DDX19A: variants seen among roughly 807,000 people sequenced by gnomAD.
The protein encoded by DDX19A is ATP-dependent RNA helicase DDX19A.
Under a neutral mutation model 60.6 loss-of-function variants are expected in DDX19A, and 12 were observed. That is an observed-to-expected ratio of 0.20 (90% confidence interval 0.13 to 0.32). The LOEUF is 0.32. DDX19A is among the 10% of genes least tolerant of loss of function. The pLI is 1.00. For missense variants in DDX19A, 337 were observed against 600.6 expected (o/e 0.56, Z 4.59); for synonymous variants, 206 against 218.2 (o/e 0.94, Z 0.49).
intron 5 of DDX19A, chr16:70,364,196 C>T (rs1009742853): frequency 1.9e-4 from 35 of 187,690 alleles, no homozygotes; most frequent in African/African-American, 8.0e-4. Flanking sequence ...CATCATGGCT[C>T]AGCCAAAAAT....
At chr16:70,366,930 A>C in intron 9 of DDX19A, 69 bp downstream of exon 9, 1 of 1,578,360 alleles carries the variant, frequency 6.3e-7, no homozygotes, top group African/African-American at 1.3e-5. Flanking sequence ...GCTCAGGAGG[A>C]CTGGATGCCC....
At chr16:70,369,122 C>G (rs961739440) in intron 9 of DDX19A, among the ~76,000 whole-genome samples, 2 of 151,484 alleles carry the variant, frequency 1.3e-5, no homozygotes, top group Non-Finnish European at 2.9e-5. Context: ...CCGCCTCGGC[C>G]TCCCAAAGTG....
intron 4 of DDX19A, among the ~76,000 whole-genome samples, chr16:70,358,654 G>C (rs1341813902): frequency 6.6e-6 from 1 of 152,038 alleles, no homozygotes; most frequent in Admixed American, 6.6e-5. Flanking sequence ...GACCAGACTG[G>C]TCAAAATGAT....
chr16:70,362,171 CAAAA>C (rs1307887865), intron 5 of DDX19A, among the ~76,000 whole-genome samples: 1 of 107,324 alleles, frequency 9.3e-6, no homozygotes, highest in Non-Finnish European at 2.0e-5. Flanking sequence ...GACCCTGTCT[CAAAA>C]AAAAAAAAAA....
At chr16:70,369,226 C>A (rs1964611121) in intron 9 of DDX19A, among the ~76,000 whole-genome samples, 1 of 131,140 alleles carries the variant, frequency 7.6e-6, no homozygotes, top group Non-Finnish European at 1.5e-5. Flanking sequence ...CTTGCCCAGG[C>A]TGGAGTGCAA....
Position 70,355,759 on chromosome 16 carries a change from C to A in DDX19A, c.157+224C>A, listed in dbSNP as rs1032568703. 7 of 588,898 alleles carry A rather than the reference C, an allele frequency of 1.2e-5. No individual in the cohort carries two copies. The African/African-American group carries it at 1.3e-4, about 11-fold the overall frequency. 36.5% of individuals were successfully genotyped at this position (588,898 alleles called of 1,614,324 possible). ...GGAGGATTCCTTTGGGCCAGGAGTT[C>A]AAGACCAGCCTGGGCAACATACTGA... On this transcript the variant is annotated intron_variant, in intron 3 of 11. Transcript: ENST00000302243.
At chr16:70,351,373 T>C (rs184319894) in intron 2 of DDX19A, among the ~76,000 whole-genome samples, 1 of 151,514 alleles carries the variant, frequency 6.6e-6, no homozygotes, top group Non-Finnish European at 1.5e-5. Context: ...ACCTGGCTAA[T>C]TTTTTATATT....
intron 9 of DDX19A, among the ~76,000 whole-genome samples, chr16:70,369,724 C>G (rs2151646031): frequency 6.7e-6 from 1 of 148,926 alleles, no homozygotes; most frequent in African/African-American, 2.5e-5. Context: ...TTAAGCGATT[C>G]TCCTGCCTCA....
At position 70,361,518 on chromosome 16, in the gene DDX19A, T is replaced by G. The variant is rs368477931; in HGVS notation, c.386+8T>G. ...CATGATGCTTGCTGAACCGTGAGTA[T>G]GCAGATGAAGCGCATCTCACCCAGT... On this transcript the variant is annotated splice_region_variant and intron_variant, in intron 5 of 11. Transcript: ENST00000302243. The G allele has an allele frequency of 1.3e-6, 2 of 1,599,548 alleles. No homozygotes were observed. The highest frequency in any genetic ancestry group is 8.6e-7 in the Non-Finnish European group (1 of 1,168,372).
intron 2 of DDX19A, among the ~76,000 whole-genome samples, chr16:70,351,299 A>G (rs1351059031): frequency 6.6e-6 from 1 of 151,606 alleles, no homozygotes; most frequent in Non-Finnish European, 1.5e-5. Flanking sequence ...TCTGCCACCC[A>G]GGCTCAAGAG....
intron 6 of DDX19A, 122 bp from the exon 7 acceptor site, chr16:70,364,895 C>A: frequency 1.3e-6 from 1 of 787,628 alleles, no homozygotes. Flanking sequence ...GAAAGGTGGG[C>A]CTGGATGGGA....
At chr16:70,369,744 A>C (rs1333421097) in intron 9 of DDX19A, among the ~76,000 whole-genome samples, 1 of 151,080 alleles carries the variant, frequency 6.6e-6, no homozygotes, top group East Asian at 1.9e-4. Context: ...AGCTCCCTCA[A>C]GTAGCTGGGA....
At position 70,371,920 on chromosome 16, in the gene DDX19A, C is replaced by T. The variant is rs768183076; in HGVS notation, c.1376-5C>T. 3 of 1,613,804 alleles carry T rather than the reference C, an allele frequency of 1.9e-6. No homozygotes were observed. Among genetic ancestry groups the T allele is most frequent in the South Asian group, 1.1e-5 (1 of 91,076 alleles). On this transcript the variant is annotated splice_region_variant and splice_polypyrimidine_tract_variant and intron_variant, in intron 11 of 11. Transcript: ENST00000302243. ...AGGGTAGAGACTTGTGTATCTTTCC[C>T]CCAGATAAGAAGATAGAAAGATTGG...
intron 9 of DDX19A, among the ~76,000 whole-genome samples, chr16:70,368,670 C>T (rs1964591161): frequency 6.6e-6 from 1 of 152,032 alleles, no homozygotes; most frequent in Non-Finnish European, 1.5e-5. Flanking sequence ...CCTCAACCTC[C>T]CAAGTAGGTG....
chr16:70,369,173 GTTT>G (rs560443179), intron 9 of DDX19A, among the ~76,000 whole-genome samples: 14 of 96,344 alleles, frequency 1.5e-4, no homozygotes, highest in African/African-American at 6.0e-4. Flanking sequence ...GGCCAATCTG[GTTT>G]TTTTTTTTTT....
chr16:70,347,970 G>A (rs890993901), intron 1 of DDX19A: 11 of 450,172 alleles, frequency 2.4e-5, no homozygotes, highest in South Asian at 1.7e-4. Flanking sequence ...GATTACAGCC[G>A]TGAGTCACCG....
At chr16:70,351,970 A>C (rs1480818522) in intron 2 of DDX19A, among the ~76,000 whole-genome samples, 1 of 152,120 alleles carries the variant, frequency 6.6e-6, no homozygotes, top group Non-Finnish European at 1.5e-5. Context: ...CCTCATCTTA[A>C]CTACAGCTGT....
intron 7 of DDX19A, chr16:70,365,829 T>TAGG (rs1299790377): frequency 1.8e-6 from 1 of 564,640 alleles, no homozygotes; most frequent in African/African-American, 1.9e-5. Context: ...TGTTGGATTA[T>TAGG]AGGAGGAAGA....
intron 2 of DDX19A, among the ~76,000 whole-genome samples, 186 bp from the exon 3 acceptor site, chr16:70,355,299 C>T (rs529773962): frequency 9.2e-5 from 14 of 152,280 alleles, no homozygotes; most frequent in African/African-American, 3.1e-4. Flanking sequence ...TGCTTGAACC[C>T]AGGAGGTGGA....
Sources: gnomAD v4.1 joint callset for allele counts (sites outside exome capture counted in the v4.1 genomes callset) on GRCh38, gnomAD v4.1.1 for gene constraint, MANE v1.5 for transcripts, NCBI Gene and HGNC (gene_info 2026-07-23, HGNC 2026-07-21) for gene names.